The following TRIM64 variants were observed in gnomAD, a reference collection of about 807,000 sequenced individuals.
TRIM64 encodes the protein tripartite motif-containing protein 64.
TRIM64 carries 3 observed loss-of-function variants against 10.6 expected under a neutral mutation model. The ratio of observed to expected loss-of-function variants is 0.28; its 90% confidence interval spans 0.13 to 0.73. The LOEUF (loss-of-function observed/expected upper bound fraction) is 0.73, where lower values mean the gene tolerates loss of function less well. Ranked by LOEUF, TRIM64 falls within the 30% of genes least tolerant of loss-of-function variation. The pLI is 0.71. For missense variants in TRIM64, 29 were observed against 152.0 expected, an observed-to-expected ratio of 0.19 and a Z score of 4.25; for synonymous variants, 8 against 56.0, an observed-to-expected ratio of 0.14 and a Z score of 3.83.
upstream of TRIM64, among the ~76,000 whole-genome samples, chr11:89,966,716 C>T (rs1950425677): frequency 2.8e-5 from 1 of 35,530 alleles, no homozygotes. Flanking sequence ...GAAACCTAGT[C>T]CCTACTGAAA....
At chr11:89,968,041 G>A (rs1450881015), upstream of TRIM64, among the ~76,000 whole-genome samples, 1 of 35,494 alleles carries the variant, frequency 2.8e-5, no homozygotes, top group Non-Finnish European at 5.2e-5. Flanking sequence ...TCGGCCTCCC[G>A]AAGTGCTGGG....
chr11:89,966,898 C>CAAAAA (rs778298970), upstream of TRIM64, among the ~76,000 whole-genome samples: 1 of 12,938 alleles, frequency 7.7e-5, no homozygotes, highest in African/African-American at 5.8e-4. Flanking sequence ...ACAACAGCAA[C>CAAAAA]AAAAAAAAAA....
Position 89,968,824 on chromosome 11 carries a change from G to A in TRIM64, c.321G>A (p.Lys107=). The change falls in exon 1 of 6, where the codon AAG becomes AAA. Residue 107 remains lysine (K), a synonymous_variant. Coordinates refer to ENST00000533122, the Ensembl canonical transcript of TRIM64. Reference sequence around the variant, plus strand: ...AGGAGCTCTTCTGTGAGGCTGACAAGAGATTGCTCTGTGGGCCCTGCTCTG... The same window carrying A: ...AGGAGCTCTTCTGTGAGGCTGACAAAAGATTGCTCTGTGGGCCCTGCTCTG... 5.4e-6 allele frequency: 3 copies of A among 559,764 alleles called. 1 individual carries two copies. Among genetic ancestry groups the A allele is most frequent in the Non-Finnish European group, 7.4e-6 (3 of 407,424 alleles). The allele number at this position is 559,764 out of a possible 1,614,324, so 34.7% of individuals were successfully genotyped here.
At position 89,973,186 on chromosome 11, in the gene TRIM64, G is replaced by A. The variant is rs1342781661; in HGVS notation, c.857-210G>A. Among the ~76,000 whole-genome samples the A allele has an allele frequency of 2.8e-4, 9 of 31,818 alleles. 4 individuals carry two copies. Among genetic ancestry groups the A allele is most frequent in the Non-Finnish European group, 3.9e-4 (7 of 17,762 alleles). 20.9% of individuals were successfully genotyped at this position (31,818 alleles called of 152,430 possible). On this transcript the variant is annotated intron_variant, in intron 5 of 5. Coordinates refer to ENST00000533122, the Ensembl canonical transcript of TRIM64. ...ATTATTTCCCCTGTGGTATGGTCAC[G>A]TTTTTTCTCTATTACTTAAGGAATA...
chr11:89,969,383 A>T, intron 1 of TRIM64, 67 bp from the exon 3 acceptor site: 1 of 219,706 alleles, frequency 4.6e-6, no homozygotes, highest in Non-Finnish European at 6.6e-6. Flanking sequence ...CTTTTTTTTT[A>T]ATTGATAAGG....
intron 4 of TRIM64, among the ~76,000 whole-genome samples, chr11:89,971,469 A>T (rs1950437855): frequency 2.1e-5 from 1 of 48,396 alleles, no homozygotes; most frequent in Admixed American, 2.7e-4. Flanking sequence ...GCCATTCGGA[A>T]GTTTGTTCTT....
Position 89,969,273 on chromosome 11 carries a change from T to C in TRIM64, c.409-177T>C, listed in dbSNP as rs1950433506. Among the ~76,000 whole-genome samples, 4 of 24,766 alleles carry C rather than the reference T, an allele frequency of 1.6e-4. 2 individuals carry two copies. The highest frequency in any genetic ancestry group is 2.9e-4 in the Non-Finnish European group (4 of 13,928). The allele number at this position is 24,766 out of a possible 152,430, so 16.2% of individuals were successfully genotyped here. A position where few individuals can be genotyped will look rare whatever the true frequency, so the allele number is the denominator to read the frequency against. ...CCCTTAAAACTCTCTATTATGTTTCTATCACTTTTCACATCCAAATTATTA... is the reference window on the plus strand; with the variant it reads ...CCCTTAAAACTCTCTATTATGTTTCCATCACTTTTCACATCCAAATTATTA... On this transcript the variant is annotated intron_variant, in intron 1 of 5. Transcript: ENST00000533122.
At chr11:89,966,914 A>G (rs866974547), upstream of TRIM64, among the ~76,000 whole-genome samples, 44 of 35,300 alleles carry the variant, frequency 1.2e-3, 3 homozygotes, top group Admixed American at 2.9e-3. Flanking sequence ...AAAAAAAAAA[A>G]AAAGAAAGAA....
At chr11:89,968,147 C>A (rs1288743609), upstream of TRIM64, among the ~76,000 whole-genome samples, 1 of 33,192 alleles carries the variant, frequency 3.0e-5, no homozygotes, top group Non-Finnish European at 5.4e-5. Context: ...ATTTATACAG[C>A]ATTTACATTG....
At chr11:89,967,200 T>C (rs894465543), upstream of TRIM64, among the ~76,000 whole-genome samples, 1 of 19,326 alleles carries the variant, frequency 5.2e-5, no homozygotes, top group Non-Finnish European at 8.3e-5. Flanking sequence ...ATCATCAGAA[T>C]TGACAATGGG....
rs575838929 is a variant in TRIM64 at position 89,973,134 on chromosome 11, C to A, written c.857-262C>A. Among the ~76,000 whole-genome samples the A allele has an allele frequency of 2.1e-3, 64 of 30,106 alleles. 17 individuals are homozygous for A. The highest frequency in any genetic ancestry group is 0.02 in the South Asian group (18 of 884). 19.8% of individuals were successfully genotyped at this position (30,106 alleles called of 152,430 possible). ...AAACATTTTGCATATGCCCTGAAAC[C>A]AACTATGCAGATGTAGACATTAAAT... On this transcript the variant is annotated intron_variant, in intron 5 of 5. Coordinates refer to ENST00000533122, the Ensembl canonical transcript of TRIM64.
Position 89,968,654 on chromosome 11 carries a change from C to T in TRIM64, c.151C>T (p.Arg51Cys), listed in dbSNP as rs1180139373. The change falls in exon 1 of 6, where the codon CGC (arginine) becomes TGC (cysteine). Residue 51 changes from arginine (R) to cysteine (C), a missense_variant. Coordinates refer to ENST00000533122, the Ensembl canonical transcript of TRIM64. ...CTCAGAAGAAGGCAGAGCACCAATG[C>T]GCTGCCCTTCGTGCAGAAAAATCTC... The T allele has an allele frequency of 1.9e-5, 14 of 741,676 alleles. 3 individuals carry two copies. The highest frequency in any genetic ancestry group is 7.2e-5 in the Admixed American group (2 of 27,932). The allele number at this position is 741,676 out of a possible 1,614,324, so 45.9% of individuals were successfully genotyped here. A position where few individuals can be genotyped will look rare whatever the true frequency, so the allele number is the denominator to read the frequency against.
upstream of TRIM64, among the ~76,000 whole-genome samples, chr11:89,967,525 C>T (rs1448964735): frequency 6.3e-5 from 2 of 31,642 alleles, no homozygotes; most frequent in Non-Finnish European, 1.1e-4. Context: ...TGTGCTTCTT[C>T]GTTAATTAGC....
chr11:89,971,508 C>A lies in TRIM64; in HGVS notation c.758+253C>A, dbSNP rs1950438006. Among the ~76,000 whole-genome samples, 2 of 48,722 alleles carry A rather than the reference C, an allele frequency of 4.1e-5. 1 individual carries two copies. Among genetic ancestry groups the A allele is most frequent in the African/African-American group, 1.4e-4 (2 of 14,048 alleles). The allele number at this position is 48,722 out of a possible 152,430, so 32.0% of individuals were successfully genotyped here. A position where few individuals can be genotyped will look rare whatever the true frequency, so the allele number is the denominator to read the frequency against. The stretch of plus-strand genomic sequence containing the variant: ...AGTCCATCCGTCCTGACCAACCATA[C>A]CCCACAGATCTTAATACAAAATTAC... On this transcript the variant is annotated intron_variant, in intron 4 of 5. Transcript: ENST00000533122.
chr11:89,971,555 C>A (rs1170372480), intron 4 of TRIM64, among the ~76,000 whole-genome samples: 1 of 46,362 alleles, frequency 2.2e-5, no homozygotes, highest in African/African-American at 7.5e-5. Flanking sequence ...ATAGAGGCAT[C>A]TTCTACTCTA....
chr11:89,973,606 T>A (rs1478735592), exon 6 of TRIM64: 1 of 535,982 alleles, frequency 1.9e-6, no homozygotes, highest in African/African-American at 7.5e-5. Context: ...ATTCTGGGAG[T>A]CTGTCAAGAT....
Position 89,970,242 on chromosome 11 carries a change from A to G in TRIM64, c.505-2A>G. ...AATCCTTTTAACCAAACATCTCTGC[A>G]GGACTATGTGTCAGTAAGGAAGAGG... On this transcript the variant is annotated splice_acceptor_variant, in intron 2 of 5. Transcript: ENST00000533122. LOFTEE classifies it high-confidence loss of function. 1.1e-5 allele frequency: 2 copies of G among 189,374 alleles called. No homozygotes were observed. The highest frequency in any genetic ancestry group is 1.6e-5 in the Non-Finnish European group (2 of 122,012). The allele number at this position is 189,374 out of a possible 1,614,324, so 11.7% of individuals were successfully genotyped here.
chr11:89,966,618 G>T (rs1319877414), upstream of TRIM64, among the ~76,000 whole-genome samples: 1 of 44,944 alleles, frequency 2.2e-5, no homozygotes, highest in Non-Finnish European at 4.1e-5. Flanking sequence ...GGGCATGATG[G>T]CTCATGTTTG....
chr11:89,971,597 A>G lies in TRIM64; in HGVS notation c.758+342A>G, dbSNP rs1328519631. Among the ~76,000 whole-genome samples the G allele has an allele frequency of 1.9e-3, 94 of 48,674 alleles. 14 individuals carry two copies. Among genetic ancestry groups the G allele is most frequent in the African/African-American group, 6.0e-3 (88 of 14,674 alleles). The allele number at this position is 48,674 out of a possible 152,430, so 31.9% of individuals were successfully genotyped here. A position where few individuals can be genotyped will look rare whatever the true frequency, so the allele number is the denominator to read the frequency against. On this transcript the variant is annotated intron_variant, in intron 4 of 5. Transcript: ENST00000533122. ...TGGGAGGTTAAAAAAAAAAAAAAAG[A>G]CAGAGGGAGGAGAGAGATTCCCTAA...
Sources: allele counts gnomAD v4.1 joint callset (sites outside exome capture counted in the v4.1 genomes callset), GRCh38; gene constraint gnomAD v4.1.1; transcripts MANE v1.5; gene names NCBI Gene and HGNC (gene_info 2026-07-23, HGNC 2026-07-21).